Variants in DYRK1A observed in about 807,000 individuals in gnomAD.
The protein encoded by DYRK1A is dual specificity tyrosine-phosphorylation-regulated kinase 1A.
DYRK1A carries 9 observed loss-of-function variants against 79.7 expected under a neutral mutation model. The observed-to-expected ratio is 0.11, with a 90% confidence interval of 0.07 to 0.20. The LOEUF (loss-of-function observed/expected upper bound fraction) is 0.20. Ranked by LOEUF, DYRK1A falls within the 10% of genes least tolerant of loss-of-function variation. DYRK1A has a pLI of 1.00. For synonymous variants in DYRK1A, 349 were observed against 329.7 expected, an observed-to-expected ratio of 1.06 and a Z score of -0.63; for missense variants, 622 against 956.0, an observed-to-expected ratio of 0.65 and a Z score of 4.61.
chr21:37,397,208 C>T (rs1282598050), intron 1 of DYRK1A, among the ~76,000 whole-genome samples: 4 of 152,292 alleles, frequency 2.6e-5, no homozygotes, highest in South Asian at 2.1e-4. Flanking sequence ...ATGTGCTGGG[C>T]TACCATTACT....
chr21:37,385,397 G>T (rs574878525), intron 1 of DYRK1A, among the ~76,000 whole-genome samples: 1 of 152,244 alleles, frequency 6.6e-6, no homozygotes, highest in South Asian at 2.1e-4. Flanking sequence ...TTGTTGGCAG[G>T]ATTCTGTTCT....
intron 8 of DYRK1A, 46 bp downstream of exon 8, chr21:37,493,209 T>G: frequency 6.4e-7 from 1 of 1,553,782 alleles, no homozygotes; most frequent in South Asian, 1.2e-5. Context: ...TAATTTCTTT[T>G]TGTCTTTCAT....
intron 1 of DYRK1A, among the ~76,000 whole-genome samples, chr21:37,400,418 A>G (rs1476469896): frequency 6.6e-6 from 1 of 152,204 alleles, no homozygotes; most frequent in Non-Finnish European, 1.5e-5. Context: ...ACTCCTATAA[A>G]TTATTTGGAA....
chr21:37,457,573 G>T (rs1183066997), intron 2 of DYRK1A, among the ~76,000 whole-genome samples: 1 of 152,162 alleles, frequency 6.6e-6, no homozygotes, highest in Non-Finnish European at 1.5e-5. Flanking sequence ...CTGGTCAGAT[G>T]AATATTTTGC....
chr21:37,501,166 G>GTTTTTTTTTTTTTTTTTT lies in DYRK1A; in HGVS notation c.1213-4111_1213-4094dup, dbSNP rs34646709. Among the ~76,000 whole-genome samples, 24 of 93,974 alleles carry GTTTTTTTTTTTTTTTTTT rather than the reference G, an allele frequency of 2.6e-4. 2 individuals are homozygous for GTTTTTTTTTTTTTTTTTT. Among genetic ancestry groups the GTTTTTTTTTTTTTTTTTT allele is most frequent in the African/African-American group, 1.0e-3 (22 of 21,358 alleles). 61.7% of individuals were successfully genotyped at this position (93,974 alleles called of 152,430 possible). A position where few individuals can be genotyped will look rare whatever the true frequency, so the allele number is the denominator to read the frequency against. ...TTATATGTTTTTTTTGTTGTTGTTGGTTTTTTTTTTTTTTTTTTTTTTTAA... is the reference window on the plus strand; with the variant it reads ...TTATATGTTTTTTTTGTTGTTGTTGGTTTTTTTTTTTTTTTTTTTTTTTTTTTTTTTTTTTTTTTTTAA... On this transcript the variant is annotated intron_variant, in intron 9 of 11. Coordinates refer to ENST00000647188, the MANE Select transcript of DYRK1A (RefSeq NM_001347721.2).
At chr21:37,374,825 T>A (rs2049505370) in intron 1 of DYRK1A, among the ~76,000 whole-genome samples, 1 of 152,196 alleles carries the variant, frequency 6.6e-6, no homozygotes, top group African/African-American at 2.4e-5. Context: ...AGTGCTGGGA[T>A]TACAGGCTTG....
At chr21:37,463,343 TCA>T (rs1266641090) in intron 2 of DYRK1A, among the ~76,000 whole-genome samples, 1 of 152,190 alleles carries the variant, frequency 6.6e-6, no homozygotes, top group Non-Finnish European at 1.5e-5. Context: ...TTTTGCATAG[TCA>T]CAGTCATTGC....
rs199867876 is a variant in DYRK1A at position 37,505,276 on chromosome 21, C to T, written c.1213-7C>T. ...TTAGAGAAAGCCTTTCATCTTCTCTCTTACAGGAGTACAAACCACCAGGAA... is the reference window on the plus strand; with the variant it reads ...TTAGAGAAAGCCTTTCATCTTCTCTTTTACAGGAGTACAAACCACCAGGAA... On this transcript the variant is annotated splice_polypyrimidine_tract_variant and splice_region_variant and intron_variant, in intron 9 of 11. Coordinates refer to ENST00000647188, the MANE Select transcript of DYRK1A (RefSeq NM_001347721.2). The T allele has an allele frequency of 1.2e-4, 193 of 1,602,014 alleles. 1 individual carries two copies. The African/African-American group carries it at 2.0e-3, about 17-fold the overall frequency.
chr21:37,506,861 G>T (rs553500431), intron 11 of DYRK1A, among the ~76,000 whole-genome samples: 2 of 152,028 alleles, frequency 1.3e-5, no homozygotes, highest in African/African-American at 4.8e-5. Context: ...TTTGATGGAT[G>T]AGTAAACTGC....
chr21:37,495,352 CTT>C (rs747500392), intron 8 of DYRK1A, among the ~76,000 whole-genome samples: 62 of 151,716 alleles, frequency 4.1e-4, no homozygotes, highest in Admixed American at 3.6e-3. Flanking sequence ...TCCACAAAAA[CTT>C]TTAAAAATTA....
rs776043893 is a variant in DYRK1A, at chr21:37,472,766, T to A, written c.93T>A (p.Ala31=). 1.2e-6 allele frequency: 2 copies of A among 1,613,252 alleles called. No homozygotes were observed. The highest frequency in any genetic ancestry group is 2.7e-5 in the African/African-American group (2 of 74,924). Residue 31 remains alanine (A), a synonymous_variant, in exon 3 of 12, where the codon GCT becomes GCA. Coordinates refer to ENST00000647188, the MANE Select transcript of DYRK1A (RefSeq NM_001347721.2). The stretch of plus-strand genomic sequence containing the variant: ...TCCATGCTGCTGGCCTTCAGATGGC[T>A]GGACAGATGCCCCATTCACATCAGT... ...FSFHAAGLQM[A]GQMPHSHQYS...
intron 1 of DYRK1A, among the ~76,000 whole-genome samples, chr21:37,374,489 A>G (rs2049497471): frequency 6.6e-6 from 1 of 151,872 alleles, no homozygotes; most frequent in Non-Finnish European, 1.5e-5. Context: ...AGAACTTGTC[A>G]AAGTTAAGAG....
intron 5 of DYRK1A, among the ~76,000 whole-genome samples, chr21:37,483,081 A>G (rs558372162): frequency 6.6e-6 from 1 of 152,308 alleles, no homozygotes; most frequent in African/African-American, 2.4e-5. Flanking sequence ...CAGCTTACGA[A>G]AATGAAGGGA....
chr21:37,370,881 G>T (rs1202874481), intron 1 of DYRK1A, among the ~76,000 whole-genome samples: 5 of 152,166 alleles, frequency 3.3e-5, no homozygotes, highest in Admixed American at 3.3e-4. Context: ...AGTTTGCTCT[G>T]TGAAAGTGAA....
chr21:37,455,143 T>C (rs1199365544), intron 2 of DYRK1A, among the ~76,000 whole-genome samples: 1 of 151,802 alleles, frequency 6.6e-6, no homozygotes, highest in African/African-American at 2.4e-5. Flanking sequence ...GTATATATTT[T>C]GAAGAGGTCT....
intron 1 of DYRK1A, among the ~76,000 whole-genome samples, chr21:37,401,065 A>G (rs1027121845): frequency 3.3e-5 from 5 of 152,142 alleles, no homozygotes; most frequent in Admixed American, 2.6e-4. Context: ...AATTGCTTGA[A>G]GCCGAGAGGT....
At chr21:37,371,497 T>C (rs1261464320) in intron 1 of DYRK1A, among the ~76,000 whole-genome samples, 1 of 152,150 alleles carries the variant, frequency 6.6e-6, no homozygotes, top group East Asian at 1.9e-4. Context: ...ACACGTGAAA[T>C]GGTGTGGTTT....
At position 37,518,613 on chromosome 21, in the gene DYRK1A, GACTTTTTT is replaced by G. The variant is rs1309017780; in HGVS notation, c.*6083_*6090del. ...AATATGACGGAAGTCTGAATCCAAG[GACTTTTTT>G]TTTTTTTTTTTTTGGAGACAGTCTT... On this transcript the variant is annotated 3_prime_UTR_variant, in exon 12 of 12. Coordinates refer to ENST00000647188, the MANE Select transcript of DYRK1A (RefSeq NM_001347721.2). 1 of 146,646 alleles carries G rather than the reference GACTTTTTT, an allele frequency of 6.8e-6. No homozygotes were observed. Among genetic ancestry groups the G allele is most frequent in the African/African-American group, 2.6e-5 (1 of 38,984 alleles). The allele number at this position is 146,646 out of a possible 1,614,324, so 9.1% of individuals were successfully genotyped here. A position where few individuals can be genotyped will look rare whatever the true frequency, so the allele number is the denominator to read the frequency against.
At chr21:37,436,657 T>C (rs576467100) in intron 2 of DYRK1A, among the ~76,000 whole-genome samples, 92 of 152,328 alleles carry the variant, frequency 6.0e-4, no homozygotes, top group Non-Finnish European at 1.2e-3. Flanking sequence ...TGGCCTTTAT[T>C]TAAGAGCATA....
Sources: gnomAD v4.1 joint callset for allele counts (sites outside exome capture counted in the v4.1 genomes callset) on GRCh38, gnomAD v4.1.1 for gene constraint, MANE v1.5 for transcripts, NCBI Gene and HGNC (gene_info 2026-07-23, HGNC 2026-07-21) for gene names.